SUPT3H: variants seen among roughly 807,000 people sequenced by gnomAD.
The protein encoded by SUPT3H is SPT3 homolog, SAGA and STAGA complex component.
In SUPT3H, 44 loss-of-function variants were observed where a neutral mutation model predicts 44.3. That is an observed-to-expected ratio of 0.99 (90% CI 0.78 to 1.28). SUPT3H has a LOEUF of 1.28. Ranked by LOEUF, SUPT3H falls within the 50% of genes most tolerant of loss-of-function variation. SUPT3H has a pLI of 0.00. For synonymous variants in SUPT3H, 124 were observed against 125.6 expected, an observed-to-expected ratio of 0.99 and a Z score of 0.09; for missense variants, 380 against 387.1, an observed-to-expected ratio of 0.98 and a Z score of 0.15.
At chr6:44,998,456 T>C (rs1781558121) in intron 6 of SUPT3H, among the ~76,000 whole-genome samples, 1 of 151,980 alleles carries the variant, frequency 6.6e-6, no homozygotes, top group Admixed American at 6.6e-5. Flanking sequence ...ATTTTTAGTA[T>C]TGATTGGTGC....
intron 6 of SUPT3H, among the ~76,000 whole-genome samples, chr6:44,965,632 T>C (rs1776673062): frequency 6.6e-6 from 1 of 152,068 alleles, no homozygotes; most frequent in African/African-American, 2.4e-5. Flanking sequence ...ATGATGAAGA[T>C]GATTTGGATA....
intron 10 of SUPT3H, among the ~76,000 whole-genome samples, chr6:44,895,190 G>A (rs992153579): frequency 2.0e-5 from 3 of 150,762 alleles, no homozygotes; most frequent in Non-Finnish European, 2.9e-5. Context: ...TGTATCAGAG[G>A]TGGTCTTAAT....
At chr6:44,938,190 A>T (rs1283999129) in intron 9 of SUPT3H, among the ~76,000 whole-genome samples, 7 of 151,178 alleles carry the variant, frequency 4.6e-5, no homozygotes, top group African/African-American at 1.5e-4. Flanking sequence ...TACTTTGAGT[A>T]TCTTTTTATA....
intron 2 of SUPT3H, among the ~76,000 whole-genome samples, chr6:45,112,599 C>A (rs1320449247): frequency 6.6e-6 from 1 of 151,908 alleles, no homozygotes; most frequent in Non-Finnish European, 1.5e-5. Context: ...AAGTTTCTAA[C>A]AGAGGAGAAG....
chr6:45,043,478 C>T (rs537683884), intron 3 of SUPT3H, among the ~76,000 whole-genome samples: 3 of 152,226 alleles, frequency 2.0e-5, no homozygotes, highest in East Asian at 1.9e-4. Flanking sequence ...TTTTCCTCCT[C>T]AGGCAAAATT....
At chr6:45,252,585 A>C (rs938225623) in intron 2 of SUPT3H, among the ~76,000 whole-genome samples, 1 of 152,122 alleles carries the variant, frequency 6.6e-6, no homozygotes, top group African/African-American at 2.4e-5. Context: ...GTAGACACCT[A>C]AACATGTAAA....
intron 10 of SUPT3H, among the ~76,000 whole-genome samples, chr6:44,894,881 G>C (rs1763880233): frequency 6.6e-6 from 1 of 151,528 alleles, no homozygotes; most frequent in Non-Finnish European, 1.5e-5. Context: ...TATAAAAATT[G>C]AACAATCTAA....
chr6:45,141,338 C>CAAAAAAAAAAAAAA (rs1162738855), intron 2 of SUPT3H, among the ~76,000 whole-genome samples: 5 of 45,280 alleles, frequency 1.1e-4, no homozygotes, highest in South Asian at 1.6e-3. Context: ...GACTCCATCT[C>CAAAAAAAAAAAAAA]AAAAAAAAAA....
chr6:45,014,948 G>T (rs1436627998), intron 4 of SUPT3H, 57 bp from the exon 5 acceptor site: 4 of 1,083,922 alleles, frequency 3.7e-6, no homozygotes, highest in Non-Finnish European at 5.0e-6. Flanking sequence ...TCACTTTACT[G>T]ATTAAAGACT....
intron 2 of SUPT3H, among the ~76,000 whole-genome samples, chr6:45,307,743 C>A (rs186605026): frequency 7.4e-4 from 113 of 152,334 alleles, no homozygotes; most frequent in African/African-American, 2.7e-3. Flanking sequence ...CAGCTCCTCA[C>A]AAGAAACGGA....
chr6:45,139,152 A>G (rs1804775152), intron 2 of SUPT3H, among the ~76,000 whole-genome samples: 1 of 152,238 alleles, frequency 6.6e-6, no homozygotes, highest in Non-Finnish European at 1.5e-5. Context: ...TATTATTTTC[A>G]TAAATTAAAA....
intron 2 of SUPT3H, among the ~76,000 whole-genome samples, chr6:45,255,740 T>C (rs1240893290): frequency 6.6e-6 from 1 of 152,184 alleles, no homozygotes; most frequent in Non-Finnish European, 1.5e-5. Flanking sequence ...ATACTATTAT[T>C]GGCACCATGT....
chr6:45,285,026 C>T (rs9357481), intron 2 of SUPT3H, among the ~76,000 whole-genome samples: 148,682 of 151,766 alleles, frequency 0.98, 72,843 homozygotes, highest in Middle Eastern at 1. Flanking sequence ...GAAAAGGCCT[C>T]TGAGAAAATT....
At chr6:44,841,763 A>C (rs754770798) in intron 10 of SUPT3H, among the ~76,000 whole-genome samples, 8 of 152,188 alleles carry the variant, frequency 5.3e-5, no homozygotes, top group Non-Finnish European at 7.3e-5. Context: ...TGGGGAACTC[A>C]GGTTTGGAAA....
At chr6:45,078,145 T>C (rs976631044) in intron 3 of SUPT3H, among the ~76,000 whole-genome samples, 8 of 152,198 alleles carry the variant, frequency 5.3e-5, no homozygotes, top group East Asian at 1.9e-4. Context: ...AGTGCTGGGA[T>C]TACAGGTGTG....
At chr6:45,278,685 T>C (rs1368705927) in intron 2 of SUPT3H, among the ~76,000 whole-genome samples, 1 of 152,214 alleles carries the variant, frequency 6.6e-6, no homozygotes, top group Non-Finnish European at 1.5e-5. Flanking sequence ...AAAGAATTAA[T>C]GATTTCCTCA....
chr6:45,118,948 C>G (rs1018561493), intron 2 of SUPT3H, among the ~76,000 whole-genome samples: 1 of 152,140 alleles, frequency 6.6e-6, no homozygotes, highest in Admixed American at 6.6e-5. Flanking sequence ...TATGACAAGG[C>G]TAATCTGCTG....
At position 44,827,429 on chromosome 6, in the gene SUPT3H, C is replaced by CCAT. The variant is rs952591333; in HGVS notation, c.*2384_*2386dup. 5.3e-5 allele frequency among the ~76,000 whole-genome samples: 8 copies of CCAT among 151,994 alleles called. No individual in the cohort carries two copies. Among genetic ancestry groups the CCAT allele is most frequent in the African/African-American group, 1.9e-4 (8 of 41,414 alleles). On this transcript the variant is annotated 3_prime_UTR_variant, in exon 11 of 11. Coordinates refer to ENST00000371459, the MANE Select transcript of SUPT3H (RefSeq NM_003599.4). ...TATAATACCGACTGAAAATTAGGGA[C>CCAT]CATCGATTCTCATCTCTGGTCTGTC...
chr6:44,923,168 A>G (rs1171546879), intron 10 of SUPT3H, among the ~76,000 whole-genome samples: 1 of 152,122 alleles, frequency 6.6e-6, no homozygotes, highest in Non-Finnish European at 1.5e-5. Context: ...TTATAACAAA[A>G]ATAGATTTCT....
Sources: gnomAD v4.1 joint callset for allele counts (sites outside exome capture counted in the v4.1 genomes callset) on GRCh38, gnomAD v4.1.1 for gene constraint, MANE v1.5 for transcripts, NCBI Gene and HGNC (gene_info 2026-07-23, HGNC 2026-07-21) for gene names.